KIF21A: variants seen among roughly 807,000 people sequenced by gnomAD.
The protein encoded by KIF21A is kinesin-like protein KIF21A.
In KIF21A, 114 loss-of-function variants were observed where a neutral mutation model predicts 202.9. The ratio of observed to expected loss-of-function variants is 0.56; its 90% CI spans 0.48 to 0.66. KIF21A has a LOEUF of 0.66. Ranked by LOEUF, KIF21A falls within the 30% of genes least tolerant of loss-of-function variation. The pLI, the probability that KIF21A is intolerant of heterozygous loss-of-function variation, is 0.00. For missense variants in KIF21A, 1,677 were observed against 1,994.9 expected, an observed-to-expected ratio of 0.84 and a Z score of 3.04; for synonymous variants, 667 against 670.8, an observed-to-expected ratio of 0.99 and a Z score of 0.09.
chr12:39,330,409 G>A (rs1362919646), intron 23 of KIF21A, 147 bp from the exon 24 acceptor site: 1 of 745,012 alleles, frequency 1.3e-6, no homozygotes, highest in African/African-American at 1.8e-5. Flanking sequence ...TTATTTTTAA[G>A]GCAGTGAGAT....
intron 1 of KIF21A, among the ~76,000 whole-genome samples, chr12:39,375,871 T>C (rs1362775888): frequency 6.6e-6 from 1 of 152,116 alleles, no homozygotes; most frequent in Non-Finnish European, 1.5e-5. Flanking sequence ...CTATTAAATA[T>C]TATAATATTA....
chr12:39,386,960 T>C (rs1192490347), intron 1 of KIF21A, among the ~76,000 whole-genome samples: 1 of 152,048 alleles, frequency 6.6e-6, no homozygotes, highest in Non-Finnish European at 1.5e-5. Flanking sequence ...GTAAAGGTAT[T>C]ACCTTCTCAC....
At chr12:39,419,936 C>G (rs746878558) in intron 1 of KIF21A, among the ~76,000 whole-genome samples, 1 of 152,004 alleles carries the variant, frequency 6.6e-6, no homozygotes, top group South Asian at 2.1e-4. Context: ...AGAAGACAGG[C>G]CCATCTCAGA....
intron 26 of KIF21A, among the ~76,000 whole-genome samples, chr12:39,323,804 A>G (rs1032440727): frequency 6.6e-6 from 1 of 152,206 alleles, no homozygotes; most frequent in African/African-American, 2.4e-5. Context: ...TTTTCAATAA[A>G]TGAAAAAGAA....
In KIF21A at chr12:39,307,873, A is replaced by G; in HGVS notation, c.4278-144T>C. 4.4e-6 allele frequency: 3 copies of G among 685,382 alleles called. No homozygotes were observed. The South Asian group carries it at 4.7e-5, about 11-fold the overall frequency. The allele number at this position is 685,382 out of a possible 1,614,324, so 42.5% of individuals were successfully genotyped here. A position where few individuals can be genotyped will look rare whatever the true frequency, so the allele number is the denominator to read the frequency against. On this transcript the variant is annotated intron_variant, in intron 33 of 37. Transcript: ENST00000361418. ...CTATATGTATACTACCTAGCACAGC[A>G]CCTAACACAGAGTTGGTGCATATAA...
chr12:39,429,622 C>G (rs894680917), intron 1 of KIF21A, among the ~76,000 whole-genome samples: 1 of 152,176 alleles, frequency 6.6e-6, no homozygotes, highest in Non-Finnish European at 1.5e-5. Context: ...TCAATTAATT[C>G]TCATAACGAT....
intron 11 of KIF21A, among the ~76,000 whole-genome samples, chr12:39,349,750 CAAAA>C (rs1948212760): frequency 6.6e-6 from 1 of 151,416 alleles, no homozygotes; most frequent in Admixed American, 6.6e-5. Flanking sequence ...TTTTTTAATT[CAAAA>C]AAACATTTGA....
chr12:39,349,710 T>C (rs147583614), intron 11 of KIF21A, among the ~76,000 whole-genome samples: 3 of 152,194 alleles, frequency 2.0e-5, no homozygotes, highest in East Asian at 1.9e-4. Flanking sequence ...AAGTGCTTTA[T>C]CAAACTAAGT....
At chr12:39,322,496 A>C in intron 27 of KIF21A, 172 bp downstream of exon 27, 1 of 552,936 alleles carries the variant, frequency 1.8e-6, no homozygotes, top group Non-Finnish European at 3.1e-6. Context: ...CTCATCTTAA[A>C]TTATTTCAAC....
Position 39,351,896 on chromosome 12 carries a change from G to A in KIF21A, c.1554C>T (p.Ser518=), listed in dbSNP as rs1156807130. ...TRATARAPYF[S]GSSTFSPTIL... ...TGGTAGGAGAAAAAGTTGATGATCC[G>A]CTGAAATATGGCGCTCTTGCTGTGG... Residue 518 remains serine (S), a synonymous_variant, in exon 11 of 38, where the codon AGC becomes AGT. Transcript: ENST00000361418. The A allele has an allele frequency of 2.0e-5, 32 of 1,612,832 alleles. No individual in the cohort carries two copies. The highest frequency in any genetic ancestry group is 5.3e-5 in the African/African-American group (4 of 74,834).
At chr12:39,391,551 A>G (rs565855759) in intron 1 of KIF21A, among the ~76,000 whole-genome samples, 81 of 152,300 alleles carry the variant, frequency 5.3e-4, no homozygotes, top group African/African-American at 1.9e-3. Context: ...CAACCTGGGC[A>G]ACATAGGAAG....
At chr12:39,376,027 G>A (rs1660608519) in intron 1 of KIF21A, among the ~76,000 whole-genome samples, 2 of 151,768 alleles carry the variant, frequency 1.3e-5, no homozygotes, top group East Asian at 3.9e-4. Context: ...TCTCAGCTTG[G>A]GCCTTCCCAT....
intron 12 of KIF21A, among the ~76,000 whole-genome samples, chr12:39,343,187 C>T (rs1392558302): frequency 5.3e-5 from 8 of 152,072 alleles, no homozygotes; most frequent in Admixed American, 1.3e-4. Context: ...CATAGTGAAA[C>T]CCCGTCTCTA....
At chr12:39,408,621 CT>C (rs761983869) in intron 1 of KIF21A, among the ~76,000 whole-genome samples, 2 of 152,122 alleles carry the variant, frequency 1.3e-5, no homozygotes, top group Non-Finnish European at 2.9e-5. Flanking sequence ...TTAATAGCAG[CT>C]TGGACAAAGA....
intron 19 of KIF21A, 41 bp downstream of exon 19, chr12:39,332,852 G>T: frequency 6.2e-7 from 1 of 1,607,666 alleles, no homozygotes; most frequent in Non-Finnish European, 8.5e-7. Flanking sequence ...CAGTATTAAC[G>T]GCCAAGAAGA....
intron 1 of KIF21A, among the ~76,000 whole-genome samples, chr12:39,398,345 A>C (rs544518447): frequency 6.6e-6 from 1 of 152,260 alleles, no homozygotes; most frequent in African/African-American, 2.4e-5. Context: ...CATGCCTGTA[A>C]CCCCAGCACT....
In KIF21A at chr12:39,367,917, C is replaced by A; in HGVS notation, c.566G>T (p.Gly189Val). 6.2e-7 allele frequency: 1 copy of A among 1,609,660 alleles called. No individual in the cohort carries two copies. Among genetic ancestry groups the A allele is most frequent in the African/African-American group, 1.3e-5 (1 of 74,938 alleles). The change falls in exon 4 of 38, where the codon GGC becomes GTC. Residue 189 changes from glycine (G) to valine (V), a missense_variant. Gly to Val is a moderately radical substitution (Grantham distance 109). Coordinates refer to ENST00000361418, the MANE Select transcript of KIF21A (RefSeq NM_001173464.2). ...EDSTGGIYTV[G>V]VTTRTVNTES... Reference sequence around the variant, plus strand: ...TGTATTCACAGTACGTGTTGTAACGCCCACAGTATAAATTCCTCCAGTTGA... The same window carrying A: ...TGTATTCACAGTACGTGTTGTAACGACCACAGTATAAATTCCTCCAGTTGA...
chr12:39,323,327 A>C (rs1204164554), intron 26 of KIF21A, among the ~76,000 whole-genome samples: 1 of 150,010 alleles, frequency 6.7e-6, no homozygotes, highest in East Asian at 2.0e-4. Flanking sequence ...AATTAAAAAA[A>C]AAGAAAAGAA....
chr12:39,382,522 C>T (rs1054846457), intron 1 of KIF21A, among the ~76,000 whole-genome samples: 1 of 152,038 alleles, frequency 6.6e-6, no homozygotes, highest in Non-Finnish European at 1.5e-5. Context: ...TTTCTCCGGT[C>T]AACATGAATT....
Sources: allele counts gnomAD v4.1 joint callset (sites outside exome capture counted in the v4.1 genomes callset), GRCh38; gene constraint gnomAD v4.1.1; transcripts MANE v1.5; gene names NCBI Gene and HGNC (gene_info 2026-07-23, HGNC 2026-07-21).